The following MALRD1 variants were observed in gnomAD, a reference collection of about 807,000 sequenced individuals.
MALRD1 encodes the protein MAM and LDL receptor class A domain containing 1.
Under a neutral mutation model 242.1 loss-of-function variants are expected in MALRD1, and 247 were observed. The ratio of observed to expected loss-of-function variants is 1.02; its 90% confidence interval spans 0.92 to 1.13. MALRD1 has a LOEUF of 1.13. Ranked by LOEUF, MALRD1 falls within the 50% of genes most tolerant of loss-of-function variation. The probability of loss-of-function intolerance (pLI) is 0.00; values close to 1 mark genes in which losing one functional copy is unlikely to be tolerated. For missense variants in MALRD1, 2,989 were observed against 2,533.1 expected, an observed-to-expected ratio of 1.18 and a Z score of -3.86; for synonymous variants, 995 against 866.6, an observed-to-expected ratio of 1.15 and a Z score of -2.60.
chr10:19,463,082 G>A (rs1836025819), intron 29 of MALRD1, among the ~76,000 whole-genome samples: 1 of 152,224 alleles, frequency 6.6e-6, no homozygotes, highest in South Asian at 2.1e-4. Flanking sequence ...TAGGAAAGAG[G>A]AAGGGAATAT....
chr10:19,713,269 A>T (rs556347842), intron 38 of MALRD1, among the ~76,000 whole-genome samples: 1 of 152,240 alleles, frequency 6.6e-6, no homozygotes, highest in Non-Finnish European at 1.5e-5. Context: ...TCAAATTGCT[A>T]TGAATGTTTC....
upstream of MALRD1, among the ~76,000 whole-genome samples, chr10:19,048,245 C>T (rs558870736): frequency 6.6e-6 from 1 of 152,132 alleles, no homozygotes; most frequent in South Asian, 2.1e-4. Flanking sequence ...TCATAACTTC[C>T]TTGGGTTGAA....
intron 28 of MALRD1, among the ~76,000 whole-genome samples, chr10:19,424,284 C>T (rs369204114): frequency 3.1e-4 from 47 of 152,156 alleles, no homozygotes; most frequent in East Asian, 7.7e-4. Context: ...CTCAGCCTCT[C>T]GAGTAGCTGG....
chr10:19,527,074 A>G (rs72788570), intron 31 of MALRD1, among the ~76,000 whole-genome samples: 2,708 of 152,312 alleles, frequency 0.018, 43 homozygotes, highest in Non-Finnish European at 0.027. Flanking sequence ...ATCTGTGTGC[A>G]GTAATTTTCC....
chr10:19,426,055 AG>A, intron 28 of MALRD1, among the ~76,000 whole-genome samples: 4 of 152,340 alleles, frequency 2.6e-5, no homozygotes, highest in Admixed American at 2.6e-4. Flanking sequence ...TTTATATTTT[AG>A]AAAAATATTT....
chr10:19,174,135 A>C (rs1040153018), intron 13 of MALRD1, among the ~76,000 whole-genome samples: 3 of 152,164 alleles, frequency 2.0e-5, no homozygotes, highest in Non-Finnish European at 4.4e-5. Context: ...TCATTGTAAA[A>C]ACTTGGAGAG....
At chr10:19,361,980 A>G (rs1325875529) in intron 26 of MALRD1, among the ~76,000 whole-genome samples, 1 of 152,132 alleles carries the variant, frequency 6.6e-6, no homozygotes, top group African/African-American at 2.4e-5. Flanking sequence ...TTTTACTTAT[A>G]GGACCCTTCC....
intron 35 of MALRD1, among the ~76,000 whole-genome samples, chr10:19,613,494 T>G (rs996158962): frequency 6.6e-6 from 1 of 152,064 alleles, no homozygotes; most frequent in African/African-American, 2.4e-5. Flanking sequence ...GTTTCAATCC[T>G]AATATTTAAA....
At chr10:19,695,210 T>G (rs1216235582) in intron 38 of MALRD1, among the ~76,000 whole-genome samples, 2 of 152,048 alleles carry the variant, frequency 1.3e-5, no homozygotes, top group African/African-American at 4.8e-5. Flanking sequence ...CCCTAGAACT[T>G]AAAGTATAAT....
At chr10:19,188,495 T>C (rs1455074734) in intron 14 of MALRD1, among the ~76,000 whole-genome samples, 1 of 152,212 alleles carries the variant, frequency 6.6e-6, no homozygotes. Flanking sequence ...ACAATACTCA[T>C]GTCAGTCAGG....
chr10:19,687,835 A>T (rs1463126996), intron 36 of MALRD1, among the ~76,000 whole-genome samples: 1 of 152,200 alleles, frequency 6.6e-6, no homozygotes, highest in African/African-American at 2.4e-5. Context: ...CCCAGATTCC[A>T]TGTGAAAAAT....
intron 38 of MALRD1, among the ~76,000 whole-genome samples, chr10:19,698,542 G>C (rs72782178): frequency 0.037 from 5,630 of 152,256 alleles, 125 homozygotes; most frequent in Middle Eastern, 0.075. Context: ...CTTTTGAATA[G>C]TGCGGTATCT....
chr10:19,102,336 A>T (rs1047664435), intron 4 of MALRD1, among the ~76,000 whole-genome samples: 8 of 151,806 alleles, frequency 5.3e-5, no homozygotes, highest in African/African-American at 1.9e-4. Context: ...TCTATTTTCT[A>T]AGTAGTTACA....
At chr10:19,119,104 T>C (rs1489325031) in intron 5 of MALRD1, among the ~76,000 whole-genome samples, 3 of 152,104 alleles carry the variant, frequency 2.0e-5, no homozygotes, top group Non-Finnish European at 4.4e-5. Context: ...TTATTGATAA[T>C]GCAGAAATTT....
At chr10:19,689,356 T>C (rs576477585) in intron 36 of MALRD1, among the ~76,000 whole-genome samples, 1 of 152,294 alleles carries the variant, frequency 6.6e-6, no homozygotes, top group Non-Finnish European at 1.5e-5. Flanking sequence ...GTTTGTGTTT[T>C]AACATACATT....
chr10:19,495,498 A>C (rs1222614299), intron 30 of MALRD1, among the ~76,000 whole-genome samples: 1 of 152,096 alleles, frequency 6.6e-6, no homozygotes, highest in Non-Finnish European at 1.5e-5. Flanking sequence ...ATACAGGCAA[A>C]CTAAACTTCA....
At chr10:19,275,701 A>AAATCAG (rs1840485096) in intron 19 of MALRD1, among the ~76,000 whole-genome samples, 1 of 152,068 alleles carries the variant, frequency 6.6e-6, no homozygotes, top group African/African-American at 2.4e-5. Context: ...ATAATAAATA[A>AAATCAG]AATCAGAAAT....
At chr10:19,515,506 CTTG>C (rs758182253) in intron 31 of MALRD1, among the ~76,000 whole-genome samples, 3 of 151,916 alleles carry the variant, frequency 2.0e-5, no homozygotes, top group Admixed American at 2.0e-4. Flanking sequence ...GTCACTTTAA[CTTG>C]TTGTTTGTAC....
rs1220419979 is a variant in MALRD1 at position 19,209,345 on chromosome 10, A to G, written c.2656A>G (p.Arg886Gly). ...QDAKDDFDWT[R>G]SQGPTPTLNT... is the part of the protein sequence containing the mutation. ...TGCAAAAGATGACTTTGATTGGACC[A>G]GGAGCCAGGGTCCAACTCCAACACT... The change falls in exon 18 of 40, where the codon AGG (arginine) becomes GGG (glycine). Residue 886 changes from arginine to glycine, a missense_variant. Arg to Gly is a moderately radical substitution (Grantham distance 125). Coordinates refer to ENST00000454679, the MANE Select transcript of MALRD1 (RefSeq NM_001142308.3). 4 of 1,550,770 alleles carry G rather than the reference A, an allele frequency of 2.6e-6. No individual in the cohort carries two copies. Among genetic ancestry groups the G allele is most frequent in the South Asian group, 2.4e-5 (2 of 84,056 alleles).
Sources: gnomAD v4.1 joint callset for allele counts (sites outside exome capture counted in the v4.1 genomes callset) on GRCh38, gnomAD v4.1.1 for gene constraint, MANE v1.5 for transcripts, NCBI Gene and HGNC (gene_info 2026-07-23, HGNC 2026-07-21) for gene names.